Variants in CCDC92 observed in about 807,000 individuals in gnomAD.
CCDC92 encodes coiled-coil domain-containing protein 92.
Under a neutral mutation model 24.9 loss-of-function variants are expected in CCDC92, and 12 were observed. That is an observed-to-expected ratio of 0.48 (90% CI 0.31 to 0.78). The LOEUF is 0.78. CCDC92 is among the 30% of genes least tolerant of loss of function. The probability of loss-of-function intolerance (pLI) is 0.05; values close to 1 mark genes in which losing one functional copy is unlikely to be tolerated. For synonymous variants in CCDC92, 193 were observed against 196.3 expected, an observed-to-expected ratio of 0.98 and a Z score of 0.14; for missense variants, 399 against 439.4, an observed-to-expected ratio of 0.91 and a Z score of 0.82.
chr12:123,959,733 A>T lies in CCDC92; in HGVS notation c.-60+12796T>A, dbSNP rs146141932. On this transcript the variant is annotated intron_variant, in intron 1 of 4. Coordinates refer to ENST00000238156, the MANE Select transcript of CCDC92 (RefSeq NM_025140.3). Reference sequence around the variant, plus strand: ...ACTCTTCTGTAGCTGTTGCGGCCACATGTAGCTATTGAACACCTGAAATGT... The same window carrying T: ...ACTCTTCTGTAGCTGTTGCGGCCACTTGTAGCTATTGAACACCTGAAATGT... Among the ~76,000 whole-genome samples the T allele has an allele frequency of 7.5e-4, 115 of 152,344 alleles. 1 individual carries two copies. Among genetic ancestry groups the T allele is most frequent in the African/African-American group, 2.4e-3 (101 of 41,590 alleles).
chr12:123,957,771 T>G lies in CCDC92; in HGVS notation c.-59-13407A>C, dbSNP rs532168818. On this transcript the variant is annotated intron_variant, in intron 1 of 4. Coordinates refer to ENST00000238156, the MANE Select transcript of CCDC92 (RefSeq NM_025140.3). ...TCGCCCAGGCTGGAGTGCAATGGTG[T>G]GATCTTGGCTCACTGCAACCTCCAC... Among the ~76,000 whole-genome samples the G allele has an allele frequency of 2.1e-5, 3 of 143,768 alleles. No individual in the cohort carries two copies. The South Asian group carries it at 6.7e-4, about 32-fold the overall frequency. 94.3% of individuals were successfully genotyped at this position (143,768 alleles called of 152,430 possible).
At chr12:123,957,054 T>C (rs1324174938) in intron 1 of CCDC92, among the ~76,000 whole-genome samples, 1 of 152,268 alleles carries the variant, frequency 6.6e-6, no homozygotes, top group East Asian at 1.9e-4. Context: ...TTTCCTCTTA[T>C]ATTTGACCTT....
intron 1 of CCDC92, among the ~76,000 whole-genome samples, chr12:123,958,568 C>T (rs946098054): frequency 6.6e-6 from 1 of 152,238 alleles, no homozygotes; most frequent in Non-Finnish European, 1.5e-5. Context: ...CGAGCTGCCT[C>T]CTCACATAAG....
chr12:123,942,305 G>A (rs750535473), intron 4 of CCDC92, among the ~76,000 whole-genome samples: 17 of 152,206 alleles, frequency 1.1e-4, no homozygotes, highest in African/African-American at 1.9e-4. Flanking sequence ...CCACTCGCCC[G>A]CCAGCATTTA....
At position 123,942,753 on chromosome 12, in the gene CCDC92, C is replaced by G. The variant is rs1408289439; in HGVS notation, c.214G>C (p.Glu72Gln). The change falls in exon 4 of 5, where the codon GAA becomes CAA. Residue 72 changes from glutamate to glutamine, a missense_variant. Physicochemically the swap from Glu to Gln is conservative, Grantham distance 29 (BLOSUM62 2). Transcript: ENST00000238156. ...LTYELTVKSSEQTGDGTSKSS... is the reference protein window; with the variant it reads ...LTYELTVKSSQQTGDGTSKSS... ...GGGGAGGAGTTCTTACCTGTCTGTT[C>G]CGAACTTTTGACTGTCAGCTCATAT... 1 of 1,610,054 alleles carries G rather than the reference C, an allele frequency of 6.2e-7. No individual in the cohort carries two copies. The highest frequency in any genetic ancestry group is 1.3e-5 in the African/African-American group (1 of 74,980).
chr12:123,936,961 T>C lies in CCDC92; in HGVS notation c.*97A>G, dbSNP rs1955515844. 3 of 1,379,598 alleles carry C rather than the reference T, an allele frequency of 2.2e-6. No individual in the cohort carries two copies. Among genetic ancestry groups the C allele is most frequent in the Non-Finnish European group, 3.0e-6 (3 of 995,760 alleles). 85.5% of individuals were successfully genotyped at this position (1,379,598 alleles called of 1,614,324 possible). ...AGAATGGGTCGGTAGGTGTGAAAAGTGTTTGGCATGCATGGGATTAAACAG... is the reference window on the plus strand; with the variant it reads ...AGAATGGGTCGGTAGGTGTGAAAAGCGTTTGGCATGCATGGGATTAAACAG... On this transcript the variant is annotated 3_prime_UTR_variant, in exon 5 of 5. Transcript: ENST00000238156.
intron 4 of CCDC92, among the ~76,000 whole-genome samples, chr12:123,939,886 G>A (rs1233693775): frequency 2.0e-5 from 3 of 152,194 alleles, no homozygotes; most frequent in East Asian, 3.8e-4. Context: ...CCTGGTACCC[G>A]CTGTCCTTCC....
At chr12:123,957,699 C>CTTTTT (rs59738995) in intron 1 of CCDC92, among the ~76,000 whole-genome samples, 11 of 75,872 alleles carry the variant, frequency 1.4e-4, no homozygotes, top group African/African-American at 2.0e-4. Flanking sequence ...TTTTTTCCTT[C>CTTTTT]TTTTTTTTTT....
intron 1 of CCDC92, among the ~76,000 whole-genome samples, chr12:123,947,132 C>T (rs1451607211): frequency 2.6e-5 from 4 of 152,190 alleles, no homozygotes; most frequent in Non-Finnish European, 5.9e-5. Context: ...TGTACTGGGT[C>T]CCCTAGCAGT....
At chr12:123,969,161 A>G (rs200587579) in intron 1 of CCDC92, among the ~76,000 whole-genome samples, 2 of 152,210 alleles carry the variant, frequency 1.3e-5, no homozygotes, top group East Asian at 3.8e-4. Flanking sequence ...TAAAACCATC[A>G]TTCTCAAGAT....
intron 3 of CCDC92, 84 bp downstream of exon 3, chr12:123,943,263 G>T: frequency 1.4e-6 from 2 of 1,464,356 alleles, no homozygotes; most frequent in Non-Finnish European, 9.3e-7. Flanking sequence ...GCTGGGGGCA[G>T]GGCAGGCCTA....
At chr12:123,946,972 C>T (rs34180676) in intron 1 of CCDC92, among the ~76,000 whole-genome samples, 45,791 of 151,912 alleles carry the variant, frequency 0.3, 7,060 homozygotes, top group Middle Eastern at 0.34. Flanking sequence ...ACCGGGGCTG[C>T]GTGCGGCGGC....
intron 1 of CCDC92, among the ~76,000 whole-genome samples, chr12:123,955,935 A>G (rs921076744): frequency 6.6e-6 from 1 of 152,244 alleles, no homozygotes; most frequent in African/African-American, 2.4e-5. Flanking sequence ...AGCTCTGCCC[A>G]GTCCCAGCCA....
Position 123,935,792 on chromosome 12 carries a change from T to C in CCDC92, c.*1266A>G, listed in dbSNP as rs1175751027. ...GCAAAAGTGCCTGGCATACATAGCATTGGCACAAGTGAGAATCCTAATGTA... is the reference window on the plus strand; with the variant it reads ...GCAAAAGTGCCTGGCATACATAGCACTGGCACAAGTGAGAATCCTAATGTA... On this transcript the variant is annotated 3_prime_UTR_variant, in exon 5 of 5. Transcript: ENST00000238156. 13 of 260,752 alleles carry C rather than the reference T, an allele frequency of 5.0e-5. No individual in the cohort carries two copies. The highest frequency in any genetic ancestry group is 2.8e-4 in the East Asian group (4 of 14,126). The allele number at this position is 260,752 out of a possible 1,614,324, so 16.2% of individuals were successfully genotyped here.
chr12:123,937,235 G>T lies in CCDC92; in HGVS notation c.819C>A (p.Ser273Arg). Residue 273 changes from serine to arginine, a missense_variant, in exon 5 of 5, where the codon AGC becomes AGA. Coordinates refer to ENST00000238156, the MANE Select transcript of CCDC92 (RefSeq NM_025140.3). This position sits in a 1 kb window ranked among gnomAD's most constrained non-coding sequence, Gnocchi z 8.4. ...LVIPPIASDRSGEQHSPAREK... is the reference protein window; with the variant it reads ...LVIPPIASDRRGEQHSPAREK... ...CGCGGGCCGGGCTGTGCTGCTCGCCGCTTCGGTCGGAGGCGATGGGGGGGA... is the reference window on the plus strand; with the variant it reads ...CGCGGGCCGGGCTGTGCTGCTCGCCTCTTCGGTCGGAGGCGATGGGGGGGA... The T allele has an allele frequency of 6.2e-7, 1 of 1,610,362 alleles. No individual in the cohort carries two copies.
At chr12:123,941,829 G>A (rs759083615) in intron 4 of CCDC92, among the ~76,000 whole-genome samples, 15 of 152,146 alleles carry the variant, frequency 9.9e-5, no homozygotes, top group Non-Finnish European at 1.6e-4. Flanking sequence ...TTAGCCAATC[G>A]GGTCAAGCTT....
At chr12:123,969,980 T>C (rs1278021840) in intron 1 of CCDC92, 2 of 152,162 alleles carry the variant, frequency 1.3e-5, no homozygotes, top group African/African-American at 4.8e-5. Context: ...AAAGAGTCTT[T>C]TAAAACACAT....
intron 4 of CCDC92, 75 bp downstream of exon 4, chr12:123,942,669 G>T: frequency 9.2e-7 from 1 of 1,090,528 alleles, no homozygotes; most frequent in Non-Finnish European, 1.4e-6. Context: ...CTAAGTGTGT[G>T]ACTAGTGAAA....
At position 123,937,026 on chromosome 12, in the gene CCDC92, C is replaced by A; in HGVS notation, c.*32G>T. The A allele has an allele frequency of 6.2e-7, 1 of 1,611,450 alleles. No homozygotes were observed. Among genetic ancestry groups the A allele is most frequent in the Admixed American group, 1.7e-5 (1 of 59,808 alleles). Reference sequence around the variant, plus strand: ...AGATTTCCCAGTGGTGCTCACAGTGCATGGACAGCGCGGGGTGGGGCACGG... The same window carrying A: ...AGATTTCCCAGTGGTGCTCACAGTGAATGGACAGCGCGGGGTGGGGCACGG... On this transcript the variant is annotated 3_prime_UTR_variant, in exon 5 of 5. Transcript: ENST00000238156. The surrounding 1 kb of genome is among the most constrained non-coding windows in gnomAD (Gnocchi z 8.4).
Sources: allele counts gnomAD v4.1 joint callset (sites outside exome capture counted in the v4.1 genomes callset), GRCh38; gene constraint gnomAD v4.1.1; non-coding constraint Gnocchi (gnomAD v3.1); transcripts MANE v1.5; gene names NCBI Gene and HGNC (gene_info 2026-07-23, HGNC 2026-07-21).